The following AFAP1L2 variants were observed in gnomAD, a reference collection of about 807,000 sequenced individuals.
AFAP1L2 encodes actin filament-associated protein 1-like 2.
In AFAP1L2, 46 loss-of-function variants were observed where a neutral mutation model predicts 99.3. The observed-to-expected ratio is 0.46, with a 90% CI of 0.37 to 0.59. The LOEUF is 0.59. Ranked by LOEUF, AFAP1L2 falls within the 20% of genes least tolerant of loss-of-function variation. The pLI, the probability that AFAP1L2 is intolerant of heterozygous loss-of-function variation, is 0.00. For synonymous variants in AFAP1L2, 397 were observed against 419.1 expected, an observed-to-expected ratio of 0.95 and a Z score of 0.64; for missense variants, 959 against 1,034.9, an observed-to-expected ratio of 0.93 and a Z score of 1.01.
At chr10:114,374,659 T>C (rs1231581179) in intron 1 of AFAP1L2, among the ~76,000 whole-genome samples, 3 of 151,636 alleles carry the variant, frequency 2.0e-5, no homozygotes, top group African/African-American at 7.3e-5. Context: ...CCTCGCTGGA[T>C]GATTCTAGAA....
At chr10:114,400,752 T>A (rs1049984382) in intron 1 of AFAP1L2, among the ~76,000 whole-genome samples, 1 of 152,240 alleles carries the variant, frequency 6.6e-6, no homozygotes, top group Non-Finnish European at 1.5e-5. Flanking sequence ...TGGAATCACC[T>A]GAAGACCTTT....
At chr10:114,301,931 C>T in intron 12 of AFAP1L2, 1 of 253,962 alleles carries the variant, frequency 3.9e-6, no homozygotes, top group South Asian at 5.9e-5. Flanking sequence ...CCAGAGAACG[C>T]CCTCTCCCTC....
chr10:114,404,717 C>T (rs1589562419), upstream of AFAP1L2: 7 of 359,706 alleles, frequency 1.9e-5, no homozygotes, highest in East Asian at 3.3e-4. Context: ...AGTCGGTGCG[C>T]GCCCGCGGCC....
downstream of AFAP1L2, chr10:114,291,193 C>T (rs1189679639): frequency 3.2e-6 from 5 of 1,550,278 alleles, no homozygotes; most frequent in Admixed American, 9.8e-5. Context: ...ACACTCCTGT[C>T]CTCAGACTTC....
chr10:114,345,525 G>T (rs1204912558), intron 1 of AFAP1L2, among the ~76,000 whole-genome samples: 1 of 152,202 alleles, frequency 6.6e-6, no homozygotes. Flanking sequence ...CATGCCATCA[G>T]CTGTGCCCCT....
At chr10:114,384,404 C>T (rs77551098) in intron 1 of AFAP1L2, among the ~76,000 whole-genome samples, 8 of 152,070 alleles carry the variant, frequency 5.3e-5, no homozygotes, top group Non-Finnish European at 8.8e-5. Flanking sequence ...TTGTTCCCCC[C>T]ACACTTGTCC....
chr10:114,349,643 G>GT (rs2050162328), intron 1 of AFAP1L2, among the ~76,000 whole-genome samples: 1 of 151,566 alleles, frequency 6.6e-6, no homozygotes, highest in South Asian at 2.1e-4. Flanking sequence ...ACTGTACTCA[G>GT]TTTTTTGTCC....
At chr10:114,296,490 G>T in intron 18 of AFAP1L2, 1 of 217,334 alleles carries the variant, frequency 4.6e-6, no homozygotes, top group Non-Finnish European at 9.2e-6. Flanking sequence ...TTTTTGACTA[G>T]CCATCAGGGA....
In AFAP1L2 at chr10:114,300,325, C is replaced by A; in HGVS notation, c.1826G>T (p.Arg609Ile). The A allele has an allele frequency of 6.2e-7, 1 of 1,614,140 alleles. No individual in the cohort carries two copies. Among genetic ancestry groups the A allele is most frequent in the Non-Finnish European group, 8.5e-7 (1 of 1,180,024 alleles). ...CGTCTGGATTTTGACGGTGGTGATT[C>A]TCAGGGAAGGATCCTCTGGCTCCAA... is the stretch of plus-strand genomic sequence containing the variant. ...ESLEPEDPSL[R>I]ITTVKIQTEQ... The change falls in exon 15 of 19, where the codon AGA becomes ATA. Residue 609 changes from arginine (R) to isoleucine (I), a missense_variant. Around this residue, in one of 2 missense-constraint regions of AFAP1L2, gnomAD observed 576 missense variants for 562.1 expected, o/e 1.02. Transcript: ENST00000304129.
chr10:114,323,571 T>C (rs982184549), intron 4 of AFAP1L2, among the ~76,000 whole-genome samples: 3 of 152,236 alleles, frequency 2.0e-5, no homozygotes, highest in African/African-American at 4.8e-5. Context: ...TGATATATCA[T>C]GCACTTAGCA....
intron 1 of AFAP1L2, among the ~76,000 whole-genome samples, chr10:114,347,786 C>G (rs2049824760): frequency 6.6e-6 from 1 of 152,188 alleles, no homozygotes; most frequent in South Asian, 2.1e-4. Context: ...GTGTGAGCCA[C>G]CACACCCAGC....
At position 114,297,001 on chromosome 10, in the gene AFAP1L2, CT is replaced by C. The variant is rs1186508253; in HGVS notation, c.2406del (p.Gly803AlafsTer56). On this transcript the variant is annotated frameshift_variant, in exon 18 of 19. Transcript: ENST00000304129. LOFTEE classifies it high-confidence loss of function. ...ACCTTGGCTTTCTGGAGTACAGTGC[CT>C]TTGCCTGTGACCACGACCGAGAGAG... ...NRPLSVVVTG[K>X]GTVLQKAKEW... 6.2e-7 allele frequency: 1 copy of C among 1,614,148 alleles called. No homozygotes were observed. The highest frequency in any genetic ancestry group is 1.7e-5 in the Admixed American group (1 of 60,014).
intron 1 of AFAP1L2, among the ~76,000 whole-genome samples, chr10:114,386,943 T>A (rs1329142978): frequency 6.6e-6 from 1 of 152,228 alleles, no homozygotes; most frequent in Non-Finnish European, 1.5e-5. Context: ...TGGAATGAAC[T>A]TCACTGGCCT....
chr10:114,388,190 G>T (rs912259286), intron 1 of AFAP1L2, among the ~76,000 whole-genome samples: 5 of 152,120 alleles, frequency 3.3e-5, no homozygotes, highest in African/African-American at 1.2e-4. Flanking sequence ...GGGAAGCTCA[G>T]TTTCACTGCA....
intron 1 of AFAP1L2, among the ~76,000 whole-genome samples, chr10:114,365,726 T>C (rs2053137944): frequency 8.9e-6 from 1 of 112,384 alleles, no homozygotes; most frequent in African/African-American, 2.5e-5. Flanking sequence ...TCTCTCTCTT[T>C]TTTTTTTTTT....
At chr10:114,299,665 C>CT (rs2040803308) in intron 15 of AFAP1L2, among the ~76,000 whole-genome samples, 1 of 152,186 alleles carries the variant, frequency 6.6e-6, no homozygotes, top group Admixed American at 6.5e-5. Context: ...CTGGGTGTGT[C>CT]TGTGAGCGTG....
rs1009925708 is a variant in AFAP1L2 at position 114,333,385 on chromosome 10, A to G, written c.146-90T>C. On this transcript the variant is annotated intron_variant, in intron 2 of 18. Transcript: ENST00000304129. Reference sequence around the variant, plus strand: ...ACCCTGTTACTCCAGAGCTGTTTTCATCTGCCTAGGTTCCAGTAAAAGCAC... The same window carrying G: ...ACCCTGTTACTCCAGAGCTGTTTTCGTCTGCCTAGGTTCCAGTAAAAGCAC... The G allele has an allele frequency of 7.0e-6, 7 of 1,005,042 alleles. No individual in the cohort carries two copies. In the African/African-American group the frequency reaches 8.0e-5, roughly 11 times the overall value. 62.3% of individuals were successfully genotyped at this position (1,005,042 alleles called of 1,614,324 possible). A position where few individuals can be genotyped will look rare whatever the true frequency, so the allele number is the denominator to read the frequency against.
Position 114,315,328 on chromosome 10 carries a change from C to G in AFAP1L2, c.612+232G>C, listed in dbSNP as rs117752727. ...ATGGGGGAGGCGGTGGTAGTCACAA[C>G]CCCCTTTGAGAACTTGATGAAACTA... On this transcript the variant is annotated intron_variant, in intron 6 of 18. Transcript: ENST00000304129. Among the ~76,000 whole-genome samples, 98 of 152,208 alleles carry G rather than the reference C, an allele frequency of 6.4e-4. 5 individuals are homozygous for G. In the East Asian group the frequency reaches 0.018, roughly 29 times the overall value.
At chr10:114,388,920 G>C (rs1012609485) in intron 1 of AFAP1L2, among the ~76,000 whole-genome samples, 10 of 152,202 alleles carry the variant, frequency 6.6e-5, no homozygotes, top group African/African-American at 2.4e-4. Context: ...AGGATGGACA[G>C]GTTGGATGAA....
Sources: gnomAD v4.1 joint callset for allele counts (sites outside exome capture counted in the v4.1 genomes callset) on GRCh38, gnomAD v4.1.1 for gene constraint, gnomAD v4.1.1 regional missense constraint, MANE v1.5 for transcripts, NCBI Gene and HGNC (gene_info 2026-07-23, HGNC 2026-07-21) for gene names.